PRKCA: variants seen among roughly 807,000 people sequenced by gnomAD.
The protein encoded by PRKCA is protein kinase C alpha.
A neutral mutation model predicts 87.0 loss-of-function variants in PRKCA; 27 were observed. That is an observed-to-expected ratio of 0.31 (90% CI 0.23 to 0.43). The LOEUF (loss-of-function observed/expected upper bound fraction) is 0.43, where lower values mean the gene tolerates loss of function less well. Among genes scored for constraint, PRKCA ranks in the 20% least tolerant of loss-of-function variants. The pLI is 1.00. For synonymous variants in PRKCA, 329 were observed against 311.1 expected (o/e 1.06, Z -0.61); for missense variants, 518 against 852.3 (o/e 0.61, Z 4.88).
chr17:66,370,549 C>CTT lies in PRKCA; in HGVS notation c.205+64441_205+64442dup, dbSNP rs555797425. The stretch of plus-strand genomic sequence containing the variant: ...GATACTATTTTTTTTCTTTTCTTTT[C>CTT]TTTTTTTTTTTTTTTTTTTTGAGAC... On this transcript the variant is annotated intron_variant, in intron 2 of 16. Coordinates refer to ENST00000413366, the MANE Select transcript of PRKCA (RefSeq NM_002737.3). 1.2e-3 allele frequency among the ~76,000 whole-genome samples: 133 copies of CTT among 113,660 alleles called. 5 individuals are homozygous for CTT. The highest frequency in any genetic ancestry group is 3.0e-3 in the African/African-American group (86 of 28,828). 74.6% of individuals were successfully genotyped at this position (113,660 alleles called of 152,430 possible). A position where few individuals can be genotyped will look rare whatever the true frequency, so the allele number is the denominator to read the frequency against.
chr17:66,450,853 C>G (rs77477951), intron 2 of PRKCA, among the ~76,000 whole-genome samples: 1 of 152,154 alleles, frequency 6.6e-6, no homozygotes, highest in Non-Finnish European at 1.5e-5. Context: ...CTAACTGATG[C>G]GATTAGTAAA....
chr17:66,502,918 C>T (rs774780230), intron 3 of PRKCA, among the ~76,000 whole-genome samples: 7 of 152,184 alleles, frequency 4.6e-5, no homozygotes, highest in Non-Finnish European at 8.8e-5. Flanking sequence ...CTTGGCCTCC[C>T]AAAGTGCTGG....
At chr17:66,732,543 A>G (rs923291801) in intron 8 of PRKCA, 145 bp from the exon 9 acceptor site, 7 of 951,254 alleles carry the variant, frequency 7.4e-6, no homozygotes, top group Non-Finnish European at 1.2e-5. Context: ...ATATCTGAAC[A>G]GGTACTCAAT....
At chr17:66,533,344 C>T (rs1453125416) in intron 3 of PRKCA, among the ~76,000 whole-genome samples, 1 of 152,206 alleles carries the variant, frequency 6.6e-6, no homozygotes. Flanking sequence ...ATAGGCCTTT[C>T]TCCTCTAAAG....
intron 3 of PRKCA, among the ~76,000 whole-genome samples, chr17:66,512,878 A>T (rs763505395): frequency 6.6e-6 from 1 of 152,164 alleles, no homozygotes; most frequent in Non-Finnish European, 1.5e-5. Flanking sequence ...TTTTTAGTAC[A>T]GACAGGGTTT....
At chr17:66,308,972 ACT>A (rs1346006890) in intron 2 of PRKCA, among the ~76,000 whole-genome samples, 2 of 151,790 alleles carry the variant, frequency 1.3e-5, no homozygotes, top group East Asian at 1.9e-4. Flanking sequence ...TTGGCAACAC[ACT>A]CTCTGGAAAT....
At position 66,338,216 on chromosome 17, in the gene PRKCA, G is replaced by A. The variant is rs182374329; in HGVS notation, c.205+32089G>A. The stretch of plus-strand genomic sequence containing the variant: ...TTTACACCATGCTTGAGGCTGCCAT[G>A]TCTCGGCTGCAATAACCAGAAAACA... On this transcript the variant is annotated intron_variant, in intron 2 of 16. Transcript: ENST00000413366. Among the ~76,000 whole-genome samples, 809 of 152,176 alleles carry A rather than the reference G, an allele frequency of 5.3e-3. 9 individuals are homozygous for A. Among genetic ancestry groups the A allele is most frequent in the Non-Finnish European group, 6.5e-3 (442 of 68,020 alleles).
At chr17:66,674,093 A>G (rs1441704440) in intron 5 of PRKCA, among the ~76,000 whole-genome samples, 4 of 152,194 alleles carry the variant, frequency 2.6e-5, no homozygotes, top group Admixed American at 6.5e-5. Flanking sequence ...CAGGAATCCA[A>G]TGAGCGCAGA....
chr17:66,367,397 G>C (rs374506632), intron 2 of PRKCA, among the ~76,000 whole-genome samples: 2 of 152,236 alleles, frequency 1.3e-5, no homozygotes, highest in South Asian at 2.1e-4. Context: ...TTGGAAGCCA[G>C]AGACTGTTAA....
intron 2 of PRKCA, among the ~76,000 whole-genome samples, chr17:66,493,456 G>A (rs1430250044): frequency 2.0e-5 from 3 of 152,008 alleles, no homozygotes; most frequent in African/African-American, 7.2e-5. Context: ...GGGCTGTGGT[G>A]TCCAGCAACT....
At chr17:66,671,677 T>TGAAA (rs1173606460) in intron 5 of PRKCA, among the ~76,000 whole-genome samples, 4 of 152,020 alleles carry the variant, frequency 2.6e-5, no homozygotes, top group Non-Finnish European at 5.9e-5. Context: ...ATTTATGAGA[T>TGAAA]GAAAGAAAGA....
chr17:66,382,842 C>T (rs914460375), intron 2 of PRKCA, among the ~76,000 whole-genome samples: 2 of 151,996 alleles, frequency 1.3e-5, no homozygotes, highest in Admixed American at 1.3e-4. Flanking sequence ...GACAGACACC[C>T]CCCCATTACC....
chr17:66,609,964 G>A (rs948543246), intron 3 of PRKCA, among the ~76,000 whole-genome samples: 1 of 152,002 alleles, frequency 6.6e-6, no homozygotes, highest in African/African-American at 2.4e-5. Context: ...CCAACCGGGT[G>A]TCCTATAGTT....
chr17:66,773,526 T>TG (rs923490913), intron 13 of PRKCA, among the ~76,000 whole-genome samples: 17 of 149,890 alleles, frequency 1.1e-4, no homozygotes, highest in African/African-American at 3.4e-4. Context: ...ATTAAAAAAA[T>TG]TTTTTTTAAT....
intron 3 of PRKCA, among the ~76,000 whole-genome samples, chr17:66,505,767 G>C (rs1916948343): frequency 6.6e-6 from 1 of 152,202 alleles, no homozygotes; most frequent in Non-Finnish European, 1.5e-5. Flanking sequence ...TCAAGTCTGG[G>C]AACAGATCTT....
intron 2 of PRKCA, among the ~76,000 whole-genome samples, chr17:66,442,066 C>CT (rs112925414): frequency 0.057 from 8,483 of 149,214 alleles, 836 homozygotes; most frequent in African/African-American, 0.2. Flanking sequence ...GTCTCTCTCT[C>CT]TTTTTTTTTT....
chr17:66,792,094 T>A lies in PRKCA; in HGVS notation c.1854+3115T>A, dbSNP rs1975552860. 6.6e-6 allele frequency among the ~76,000 whole-genome samples: 1 copy of A among 152,172 alleles called. No homozygotes were observed. Among genetic ancestry groups the A allele is most frequent in the African/African-American group, 2.4e-5 (1 of 41,450 alleles). ...TGAGTGGCTCTCGCCTCTCAGCAGT[T>A]CTTATAATCCTGGCTCACCAACCTT... On this transcript the variant is annotated intron_variant, in intron 16 of 16. Transcript: ENST00000413366. This position sits in a 1 kb window ranked among gnomAD's most constrained non-coding sequence, Gnocchi z 4.5.
chr17:66,496,983 G>C (rs1916503307), intron 3 of PRKCA, among the ~76,000 whole-genome samples: 1 of 152,152 alleles, frequency 6.6e-6, no homozygotes, highest in South Asian at 2.1e-4. Flanking sequence ...ACCAATAGGA[G>C]CATCATTGCT....
chr17:66,652,652 T>C (rs968349220), intron 5 of PRKCA, among the ~76,000 whole-genome samples: 5 of 152,144 alleles, frequency 3.3e-5, no homozygotes, highest in South Asian at 2.1e-4. Flanking sequence ...GAAAGTGATA[T>C]AGGTGTTCAC....
Sources: gnomAD v4.1 joint callset for allele counts (sites outside exome capture counted in the v4.1 genomes callset) on GRCh38, gnomAD v4.1.1 for gene constraint, Gnocchi (gnomAD v3.1) non-coding constraint, MANE v1.5 for transcripts, NCBI Gene and HGNC (gene_info 2026-07-23, HGNC 2026-07-21) for gene names.